The following SNRNP70 variants were observed in gnomAD, a reference collection of about 807,000 sequenced individuals.
The protein encoded by SNRNP70 is small nuclear ribonucleoprotein U1 subunit 70.
SNRNP70 carries 8 observed loss-of-function variants against 50.5 expected under a neutral mutation model. The ratio of observed to expected loss-of-function variants is 0.16; its 90% CI spans 0.09 to 0.29. The LOEUF (loss-of-function observed/expected upper bound fraction) is 0.29, where lower values mean the gene tolerates loss of function less well. Ranked by LOEUF, SNRNP70 falls within the 10% of genes least tolerant of loss-of-function variation. The probability of loss-of-function intolerance (pLI) is 1.00; values close to 1 mark genes in which losing one functional copy is unlikely to be tolerated. For synonymous variants in SNRNP70, 320 were observed against 252.9 expected (o/e 1.27, Z -2.52); for missense variants, 529 against 663.5 (o/e 0.80, Z 2.23).
chr19:49,087,642 CTT>C (rs1427140438), intron 2 of SNRNP70: 1 of 152,164 alleles, frequency 6.6e-6, no homozygotes, highest in African/African-American at 2.4e-5. Context: ...AGGGTCATCT[CTT>C]AGGTGCATCA....
intron 6 of SNRNP70, among the ~76,000 whole-genome samples, chr19:49,100,491 TC>T (rs1243857807): frequency 6.6e-6 from 1 of 152,050 alleles, no homozygotes; most frequent in African/African-American, 2.4e-5. Context: ...TGTGCACGTG[TC>T]CTTTCTTTTT....
chr19:49,099,926 GTGTGTATGTGCA>G (rs1367991705), intron 6 of SNRNP70, among the ~76,000 whole-genome samples: 1 of 151,278 alleles, frequency 6.6e-6, no homozygotes, highest in Non-Finnish European at 1.5e-5. Flanking sequence ...CTGTGTGTGT[GTGTGTATGTGCA>G]TGTGTATATA....
chr19:49,100,198 A>G (rs1286992595), intron 6 of SNRNP70, among the ~76,000 whole-genome samples: 2 of 151,988 alleles, frequency 1.3e-5, no homozygotes, highest in African/African-American at 2.4e-5. Flanking sequence ...CATTCTGGCC[A>G]CCTCTGTCTC....
In SNRNP70 at chr19:49,107,715, A is replaced by G. The variant is rs1382900361; in HGVS notation, c.665+3A>G. On this transcript the variant is annotated splice_donor_region_variant and intron_variant, in intron 9 of 9. Transcript: ENST00000598441. The surrounding 1 kb of genome is among the most constrained non-coding windows in gnomAD (Gnocchi z 6.0). ...GACACCTCCCGCTACGATGAGAGGTAAGATTGGGCGACCGGTGTCCTGGGG... is the reference window on the plus strand; with the variant it reads ...GACACCTCCCGCTACGATGAGAGGTGAGATTGGGCGACCGGTGTCCTGGGG... The G allele has an allele frequency of 6.2e-7, 1 of 1,613,910 alleles. No individual in the cohort carries two copies. The highest frequency in any genetic ancestry group is 8.5e-7 in the Non-Finnish European group (1 of 1,179,962).
intron 7 of SNRNP70, chr19:49,102,040 T>C (rs911628646): frequency 8.3e-6 from 4 of 479,818 alleles, no homozygotes; most frequent in Non-Finnish European, 1.2e-5. Context: ...CAGGGATGGG[T>C]GGGGGAGGGT....
rs1490585111 is a variant in SNRNP70 at position 49,108,042 on chromosome 19, C to A, written c.913C>A (p.Arg305Ser). 6.5e-7 allele frequency: 1 copy of A among 1,548,992 alleles called. No individual in the cohort carries two copies. The highest frequency in any genetic ancestry group is 8.7e-7 in the Non-Finnish European group (1 of 1,147,186). ...GGAGCGGGCCCGGCGGGAGCGGGAG[C>A]GCAAGGAGGAGCTGCGTGGCGGCGG... ...SRERARRERERKEELRGGGGD... is the reference protein window; with the variant it reads ...SRERARRERESKEELRGGGGD... Residue 305 changes from arginine to serine, a missense_variant, in exon 10 of 10, where the codon CGC becomes AGC. Arg to Ser is a moderately radical substitution (Grantham distance 110). Around this residue, in one of 4 missense-constraint regions of SNRNP70, gnomAD observed 327 missense variants for 308.8 expected, o/e 1.06. Coordinates refer to ENST00000598441, the MANE Select transcript of SNRNP70 (RefSeq NM_003089.6).
chr19:49,094,550 G>A (rs1326136191), intron 4 of SNRNP70, among the ~76,000 whole-genome samples: 1 of 152,120 alleles, frequency 6.6e-6, no homozygotes. Context: ...GTCCGTCCAC[G>A]TGTTGATAAT....
chr19:49,107,946 G>T lies in SNRNP70; in HGVS notation c.817G>T (p.Glu273Ter). ...GCGCTCACGGAGTCGCGACAAGGAGGAGCGGAGGCGCTCCAGGGAGCGGAG... is the reference window on the plus strand; with the variant it reads ...GCGCTCACGGAGTCGCGACAAGGAGTAGCGGAGGCGCTCCAGGGAGCGGAG... ...RRRSRSRDKE[E>*]RRRSRERSKD... The change falls in exon 10 of 10, where the codon GAG (glutamate) becomes TAG (stop). Residue 273 changes from glutamate (E) to a stop codon, truncating the protein, a stop_gained. Transcript: ENST00000598441. LOFTEE classifies it high-confidence loss of function. This position sits in a 1 kb window ranked among gnomAD's most constrained non-coding sequence, Gnocchi z 6.0. The T allele has an allele frequency of 6.5e-7, 1 of 1,547,568 alleles. No homozygotes were observed. Among genetic ancestry groups the T allele is most frequent in the South Asian group, 1.2e-5 (1 of 83,972 alleles).
rs909976039 is a variant in SNRNP70, at chr19:49,107,099, C to G, written c.578-526C>G. Among the ~76,000 whole-genome samples, 1 of 152,138 alleles carries G rather than the reference C, an allele frequency of 6.6e-6. No homozygotes were observed. Among genetic ancestry groups the G allele is most frequent in the African/African-American group, 2.4e-5 (1 of 41,424 alleles). On this transcript the variant is annotated intron_variant, in intron 8 of 9. Coordinates refer to ENST00000598441, the MANE Select transcript of SNRNP70 (RefSeq NM_003089.6). This position sits in a 1 kb window ranked among gnomAD's most constrained non-coding sequence, Gnocchi z 6.0. ...ACCAGTCCAGGGCAAGGAGAATGCA[C>G]AGACACTGGCAGGAAGGTGAGCGTG... is the stretch of plus-strand genomic sequence containing the variant.
chr19:49,087,625 G>C (rs1600269408), intron 2 of SNRNP70: 1 of 152,174 alleles, frequency 6.6e-6, no homozygotes, highest in South Asian at 2.1e-4. Flanking sequence ...TGTGAAATGG[G>C]ATGACAAGGG....
At chr19:49,088,846 GC>G (rs1401221682) in intron 2 of SNRNP70, among the ~76,000 whole-genome samples, 3 of 152,070 alleles carry the variant, frequency 2.0e-5, no homozygotes, top group African/African-American at 7.2e-5. Flanking sequence ...AGCTGCCTTG[GC>G]CCTCAGAGGG....
chr19:49,090,187 T>TAGGGGGTGGGGGTGGG (rs2040430806), intron 2 of SNRNP70, 104 bp from the exon 3 acceptor site: 13 of 933,362 alleles, frequency 1.4e-5, no homozygotes, highest in South Asian at 1.4e-4. Flanking sequence ...TTTATTTTTG[T>TAGGGGGTGGGGGTGGG]AGGGGGTGGG....
chr19:49,101,611 T>C, intron 7 of SNRNP70, 140 bp downstream of exon 7: 1 of 630,954 alleles, frequency 1.6e-6, no homozygotes, highest in Admixed American at 2.7e-5. Context: ...CTGTTTCTGA[T>C]GTATCTTTTT....
chr19:49,096,501 C>T (rs776782623), intron 4 of SNRNP70, among the ~76,000 whole-genome samples: 3 of 152,150 alleles, frequency 2.0e-5, no homozygotes, highest in South Asian at 2.1e-4. Context: ...TGCGGTGGCT[C>T]ACGCCTGTAA....
At chr19:49,101,709 A>G in intron 7 of SNRNP70, 1 of 516,412 alleles carries the variant, frequency 1.9e-6, no homozygotes, top group Non-Finnish European at 3.5e-6. Context: ...TAAGTGTCAC[A>G]CGTTGAACCT....
chr19:49,091,585 G>A (rs894316559), intron 4 of SNRNP70, among the ~76,000 whole-genome samples: 1 of 152,012 alleles, frequency 6.6e-6, no homozygotes, highest in Non-Finnish European at 1.5e-5. Flanking sequence ...TTGGCATATC[G>A]ACATCATCAT....
At chr19:49,097,543 T>TG (rs2040528779) in intron 4 of SNRNP70, among the ~76,000 whole-genome samples, 1 of 152,196 alleles carries the variant, frequency 6.6e-6, no homozygotes, top group Admixed American at 6.5e-5. Context: ...AATGGGTTAA[T>TG]GTTATTCCTT....
chr19:49,098,724 G>A lies in SNRNP70; in HGVS notation c.393+20G>A. 2 of 1,606,942 alleles carry A rather than the reference G, an allele frequency of 1.2e-6. No homozygotes were observed. The highest frequency in any genetic ancestry group is 1.7e-6 in the Non-Finnish European group (2 of 1,173,492). On this transcript the variant is annotated intron_variant, in intron 6 of 9. Transcript: ENST00000598441. Reference sequence around the variant, plus strand: ...AAAAGAGTAAGTGGAGTGGGTCAGGGTGTTTGAATTGGGGGTGCATGGAGG... The same window carrying A: ...AAAAGAGTAAGTGGAGTGGGTCAGGATGTTTGAATTGGGGGTGCATGGAGG...
Position 49,085,488 on chromosome 19 carries a change from G to T in SNRNP70, c.-159G>T, listed in dbSNP as rs955168792. 7.7e-5 allele frequency: 35 copies of T among 452,624 alleles called. No individual in the cohort carries two copies. The highest frequency in any genetic ancestry group is 3.3e-4 in the Middle Eastern group (1 of 3,074). 28.0% of individuals were successfully genotyped at this position (452,624 alleles called of 1,614,324 possible). A position where few individuals can be genotyped will look rare whatever the true frequency, so the allele number is the denominator to read the frequency against. On this transcript the variant is annotated 5_prime_UTR_variant, in exon 1 of 10. Transcript: ENST00000598441. The stretch of plus-strand genomic sequence containing the variant: ...AGGCCGCGCGGGTGGCTGAGCAGCG[G>T]CCTGGTGCGCTCGCTTAGCGGGCGA...
Sources: gnomAD v4.1 joint callset for allele counts (sites outside exome capture counted in the v4.1 genomes callset) on GRCh38, gnomAD v4.1.1 for gene constraint, gnomAD v4.1.1 regional missense constraint, Gnocchi (gnomAD v3.1) non-coding constraint, MANE v1.5 for transcripts, NCBI Gene and HGNC (gene_info 2026-07-23, HGNC 2026-07-21) for gene names.